ASAP1: variants seen among roughly 807,000 people sequenced by gnomAD.
The protein encoded by ASAP1 is ArfGAP with SH3 domain, ankyrin repeat and PH domain 1.
ASAP1 carries 43 observed loss-of-function variants against 145.2 expected under a neutral mutation model. The ratio of observed to expected loss-of-function variants is 0.30; its 90% confidence interval spans 0.23 to 0.38. The LOEUF (loss-of-function observed/expected upper bound fraction) is 0.38. Among genes scored for constraint, ASAP1 ranks in the 10% least tolerant of loss-of-function variants. The pLI is 1.00. For synonymous variants in ASAP1, 546 were observed against 515.5 expected, an observed-to-expected ratio of 1.06 and a Z score of -0.80; for missense variants, 1,018 against 1,355.3, an observed-to-expected ratio of 0.75 and a Z score of 3.91.
At chr8:130,263,666 C>T (rs369909770) in intron 3 of ASAP1, among the ~76,000 whole-genome samples, 11 of 152,304 alleles carry the variant, frequency 7.2e-5, no homozygotes, top group African/African-American at 2.4e-4. Flanking sequence ...GTATTATTAA[C>T]CTCTGCAGGC....
chr8:130,333,328 G>A (rs1013811314), intron 3 of ASAP1, among the ~76,000 whole-genome samples: 7 of 152,018 alleles, frequency 4.6e-5, no homozygotes, highest in South Asian at 2.1e-4. Context: ...CTGGCTGGGC[G>A]CGGTGGCTCA....
chr8:130,204,177 G>A (rs1415261730), intron 5 of ASAP1, among the ~76,000 whole-genome samples: 1 of 152,096 alleles, frequency 6.6e-6, no homozygotes, highest in Non-Finnish European at 1.5e-5. Context: ...CATAGGAGAC[G>A]GAACCCTACT....
intron 3 of ASAP1, among the ~76,000 whole-genome samples, chr8:130,321,768 G>A (rs187180812): frequency 2.0e-5 from 3 of 152,202 alleles, no homozygotes; most frequent in South Asian, 2.1e-4. Context: ...AAGATACCAC[G>A]TTTGTCTTTT....
At position 130,202,479 on chromosome 8, in the gene ASAP1, T is replaced by A. The variant is rs150020033; in HGVS notation, c.405+12077A>T. On this transcript the variant is annotated intron_variant, in intron 5 of 29. Coordinates refer to ENST00000518721, the MANE Select transcript of ASAP1 (RefSeq NM_018482.4). ...GGCACTTGGTAACTGCTGGCAGAGA[T>A]AAGAACACACTTCATAGGAAGTTTC... 1.8e-4 allele frequency among the ~76,000 whole-genome samples: 28 copies of A among 152,358 alleles called. 1 individual carries two copies. In the East Asian group the frequency reaches 5.4e-3, roughly 29 times the overall value.
At chr8:130,285,402 A>T (rs1288765795) in intron 3 of ASAP1, among the ~76,000 whole-genome samples, 1 of 152,206 alleles carries the variant, frequency 6.6e-6, no homozygotes, top group Non-Finnish European at 1.5e-5. Flanking sequence ...AATGAAGAGA[A>T]TTTTATGTAT....
chr8:130,231,201 G>T (rs1023676087), intron 4 of ASAP1, among the ~76,000 whole-genome samples: 2 of 152,146 alleles, frequency 1.3e-5, no homozygotes, highest in Admixed American at 6.5e-5. Context: ...CAAACCCTGT[G>T]TTATAAAACT....
intron 3 of ASAP1, among the ~76,000 whole-genome samples, chr8:130,242,881 A>G (rs1299177581): frequency 6.6e-6 from 1 of 152,134 alleles, no homozygotes; most frequent in East Asian, 1.9e-4. Context: ...TTGACCTTCC[A>G]TACCTGTGGG....
intron 5 of ASAP1, among the ~76,000 whole-genome samples, chr8:130,193,000 T>C (rs1470035781): frequency 6.6e-6 from 1 of 152,210 alleles, no homozygotes; most frequent in Non-Finnish European, 1.5e-5. Flanking sequence ...TGCTTCACTT[T>C]GAAAATATCT....
At chr8:130,348,719 G>T (rs1274670677) in intron 3 of ASAP1, among the ~76,000 whole-genome samples, 2 of 152,174 alleles carry the variant, frequency 1.3e-5, no homozygotes, top group African/African-American at 4.8e-5. Flanking sequence ...TAAGGCTCCT[G>T]CCTCCTAACC....
chr8:130,275,452 C>G (rs1820821274), intron 3 of ASAP1, among the ~76,000 whole-genome samples: 1 of 152,148 alleles, frequency 6.6e-6, no homozygotes, highest in Non-Finnish European at 1.5e-5. Flanking sequence ...ATTACCAGTC[C>G]CCTGAGGCGT....
intron 3 of ASAP1, among the ~76,000 whole-genome samples, chr8:130,320,109 A>T (rs933921180): frequency 1.3e-5 from 2 of 152,234 alleles, no homozygotes; most frequent in African/African-American, 2.4e-5. Flanking sequence ...AATGTTCTTT[A>T]AAAAATAAAA....
intron 1 of ASAP1, among the ~76,000 whole-genome samples, chr8:130,407,736 G>A (rs562230807): frequency 6.6e-6 from 1 of 152,304 alleles, no homozygotes; most frequent in East Asian, 1.9e-4. Context: ...ATGCCATGCA[G>A]GAATCGGGGA....
intron 9 of ASAP1, among the ~76,000 whole-genome samples, chr8:130,178,675 G>A (rs1450505177): frequency 6.6e-6 from 1 of 152,210 alleles, no homozygotes; most frequent in Non-Finnish European, 1.5e-5. Flanking sequence ...CGCGAGGTCA[G>A]GAGATCAAGG....
chr8:130,202,817 G>A (rs1815954073), intron 5 of ASAP1, among the ~76,000 whole-genome samples: 1 of 152,110 alleles, frequency 6.6e-6, no homozygotes, highest in Non-Finnish European at 1.5e-5. Flanking sequence ...AGCTATTTCT[G>A]CCAATTTTCT....
At chr8:130,323,862 C>T (rs1824165886) in intron 3 of ASAP1, among the ~76,000 whole-genome samples, 1 of 151,726 alleles carries the variant, frequency 6.6e-6, no homozygotes, top group East Asian at 1.9e-4. Flanking sequence ...TAATAGATTA[C>T]CAGGCATTAA....
chr8:130,217,676 G>A (rs1027355335), intron 4 of ASAP1, among the ~76,000 whole-genome samples: 3 of 151,950 alleles, frequency 2.0e-5, no homozygotes, highest in African/African-American at 7.3e-5. Context: ...TCAAAGCTGC[G>A]GCTTGGTTAA....
At chr8:130,118,817 C>T (rs1172966227) in intron 18 of ASAP1, 142 bp from the exon 19 acceptor site, 1 of 492,404 alleles carries the variant, frequency 2.0e-6, no homozygotes, top group Admixed American at 3.8e-5. Flanking sequence ...GGTTTTAGAC[C>T]AAATTACTCC....
chr8:130,420,252 A>G (rs1470689673), intron 1 of ASAP1, among the ~76,000 whole-genome samples: 1 of 138,612 alleles, frequency 7.2e-6, no homozygotes, highest in Non-Finnish European at 1.7e-5. Flanking sequence ...ACACACACAC[A>G]CACACACACA....
chr8:130,107,487 T>C (rs2097538971), intron 24 of ASAP1, among the ~76,000 whole-genome samples: 2 of 148,882 alleles, frequency 1.3e-5, no homozygotes, highest in African/African-American at 5.0e-5. Flanking sequence ...GCCCGGCCCA[T>C]AGTCTCTCTT....
Sources: gnomAD v4.1 joint callset for allele counts (sites outside exome capture counted in the v4.1 genomes callset) on GRCh38, gnomAD v4.1.1 for gene constraint, MANE v1.5 for transcripts, NCBI Gene and HGNC (gene_info 2026-07-23, HGNC 2026-07-21) for gene names.